The following GABRG3 variants were observed in gnomAD, a reference collection of about 807,000 sequenced individuals.
The protein encoded by GABRG3 is gamma-aminobutyric acid receptor subunit gamma-3.
In GABRG3, 25 loss-of-function variants were observed where a neutral mutation model predicts 48.8. That is an observed-to-expected ratio of 0.51 (90% CI 0.37 to 0.72). The LOEUF (loss-of-function observed/expected upper bound fraction) is 0.72. Ranked by LOEUF, GABRG3 falls within the 30% of genes least tolerant of loss-of-function variation. The probability of loss-of-function intolerance (pLI) is 0.00; values close to 1 mark genes in which losing one functional copy is unlikely to be tolerated. For missense variants in GABRG3, 394 were observed against 577.9 expected, an observed-to-expected ratio of 0.68 and a Z score of 3.26; for synonymous variants, 227 against 217.6, an observed-to-expected ratio of 1.04 and a Z score of -0.38.
At chr15:27,392,864 G>A (rs1887178908) in intron 5 of GABRG3, among the ~76,000 whole-genome samples, 1 of 152,126 alleles carries the variant, frequency 6.6e-6, no homozygotes, top group African/African-American at 2.4e-5. Context: ...TTGGCCATTG[G>A]GAGCACATTC....
At chr15:27,358,432 C>T (rs1430025851) in intron 5 of GABRG3, among the ~76,000 whole-genome samples, 1 of 151,994 alleles carries the variant, frequency 6.6e-6, no homozygotes, top group Non-Finnish European at 1.5e-5. Context: ...AAACGTTATT[C>T]CTATGCAAAT....
At chr15:27,129,890 GGTTGTT>G (rs553770521) in intron 3 of GABRG3, among the ~76,000 whole-genome samples, 1 of 151,778 alleles carries the variant, frequency 6.6e-6, no homozygotes, top group Non-Finnish European at 1.5e-5. Context: ...GTTTAAATCA[GGTTGTT>G]GTTGTTGTTG....
At chr15:27,192,966 T>A (rs1263041538) in intron 3 of GABRG3, among the ~76,000 whole-genome samples, 4 of 152,148 alleles carry the variant, frequency 2.6e-5, no homozygotes, top group African/African-American at 9.7e-5. Flanking sequence ...TCTGTTGGAG[T>A]TTGCTAGAGG....
In GABRG3 at chr15:26,976,392, G is replaced by A. The variant is rs1451949658; in HGVS notation, c.54-610G>A. On this transcript the variant is annotated intron_variant, in intron 1 of 9. Coordinates refer to ENST00000615808, the MANE Select transcript of GABRG3 (RefSeq NM_033223.5). The surrounding 1 kb of genome is among the most constrained non-coding windows in gnomAD (Gnocchi z 7.8). ...ACCGAGGCGTGCAAGATTGCTAGAGGGTCTTCACCAGTCATCAGCGAACAT... is the reference window on the plus strand; with the variant it reads ...ACCGAGGCGTGCAAGATTGCTAGAGAGTCTTCACCAGTCATCAGCGAACAT... Among the ~76,000 whole-genome samples, 1 of 152,146 alleles carries A rather than the reference G, an allele frequency of 6.6e-6. No individual in the cohort carries two copies. Among genetic ancestry groups the A allele is most frequent in the Non-Finnish European group, 1.5e-5 (1 of 68,012 alleles).
At chr15:27,366,828 C>T (rs1895218539) in intron 5 of GABRG3, among the ~76,000 whole-genome samples, 1 of 152,168 alleles carries the variant, frequency 6.6e-6, no homozygotes, top group Admixed American at 6.5e-5. Flanking sequence ...GTGCCCGTGT[C>T]CCCCTGCCCA....
intron 3 of GABRG3, among the ~76,000 whole-genome samples, chr15:27,146,811 A>C (rs1898218047): frequency 6.6e-6 from 1 of 152,172 alleles, no homozygotes; most frequent in Non-Finnish European, 1.5e-5. Context: ...AAGAAAGGAC[A>C]AGGGGATTAA....
chr15:27,453,736 G>C (rs911704332), intron 5 of GABRG3, among the ~76,000 whole-genome samples: 1 of 152,098 alleles, frequency 6.6e-6, no homozygotes, highest in African/African-American at 2.4e-5. Context: ...TGAGTAGCTG[G>C]GATTACAGGC....
chr15:26,986,361 A>G (rs1235857060), intron 2 of GABRG3, among the ~76,000 whole-genome samples: 1 of 152,210 alleles, frequency 6.6e-6, no homozygotes. Context: ...GGTGGAGAAT[A>G]AATTTTGTAG....
Position 27,352,352 on chromosome 15 carries a change from T to C in GABRG3, c.574+23464T>C, listed in dbSNP as rs1894650334. Among the ~76,000 whole-genome samples, 1 of 151,568 alleles carries C rather than the reference T, an allele frequency of 6.6e-6. No homozygotes were observed. Among genetic ancestry groups the C allele is most frequent in the Non-Finnish European group, 1.5e-5 (1 of 67,938 alleles). On this transcript the variant is annotated intron_variant, in intron 5 of 9. Coordinates refer to ENST00000615808, the MANE Select transcript of GABRG3 (RefSeq NM_033223.5). The surrounding 1 kb of genome is among the most constrained non-coding windows in gnomAD (Gnocchi z 4.0). ...ATTATCCCCCGCACACTTCAAGGGG[T>C]GATGGGGTGGGATCTCTGCCAATTT...
chr15:27,491,674 T>C (rs1245374575), intron 6 of GABRG3, among the ~76,000 whole-genome samples: 1 of 152,128 alleles, frequency 6.6e-6, no homozygotes, highest in Admixed American at 6.5e-5. Flanking sequence ...GACAATAAAA[T>C]GTAAAAATTA....
intron 3 of GABRG3, among the ~76,000 whole-genome samples, chr15:27,314,193 G>A (rs1304702147): frequency 1.3e-5 from 2 of 152,122 alleles, no homozygotes; most frequent in African/African-American, 4.8e-5. Context: ...GGCAACTATA[G>A]TGAAGTCCTA....
intron 2 of GABRG3, among the ~76,000 whole-genome samples, chr15:27,005,491 A>G (rs1470205077): frequency 6.6e-6 from 1 of 152,144 alleles, no homozygotes; most frequent in Admixed American, 6.5e-5. Flanking sequence ...CTTTTGAGTC[A>G]ATTACTATAT....
At chr15:27,430,814 A>G (rs1595749778) in intron 5 of GABRG3, among the ~76,000 whole-genome samples, 1 of 151,730 alleles carries the variant, frequency 6.6e-6, no homozygotes, top group Admixed American at 6.6e-5. Context: ...ACATGCCGAA[A>G]CCCCGTCTCT....
chr15:27,509,202 T>C (rs1453706023), intron 6 of GABRG3, among the ~76,000 whole-genome samples: 1 of 152,224 alleles, frequency 6.6e-6, no homozygotes, highest in Non-Finnish European at 1.5e-5. Flanking sequence ...TCCTTTTTGC[T>C]CCTCTGGTGA....
intron 7 of GABRG3, among the ~76,000 whole-genome samples, chr15:27,525,298 G>C (rs114175100): frequency 0.018 from 2,688 of 152,206 alleles, 80 homozygotes; most frequent in African/African-American, 0.062. Context: ...CCAAAGTCAA[G>C]AAGAAAGTTG....
intron 5 of GABRG3, among the ~76,000 whole-genome samples, chr15:27,443,389 A>G (rs1369368593): frequency 2.0e-5 from 3 of 152,222 alleles, no homozygotes; most frequent in Non-Finnish European, 4.4e-5. Flanking sequence ...AACAGTGTTC[A>G]GTATACAGGT....
chr15:27,506,314 T>C (rs1890759492), intron 6 of GABRG3, among the ~76,000 whole-genome samples: 1 of 152,194 alleles, frequency 6.6e-6, no homozygotes, highest in African/African-American at 2.4e-5. Flanking sequence ...GGGCTTTAAT[T>C]GATTATACAA....
intron 3 of GABRG3, among the ~76,000 whole-genome samples, chr15:27,177,811 A>T (rs1887793675): frequency 2.0e-5 from 3 of 152,230 alleles, no homozygotes; most frequent in Admixed American, 2.0e-4. Flanking sequence ...GGACTATTGC[A>T]GTAAGGGAAA....
At chr15:27,291,625 A>T (rs906209782) in intron 3 of GABRG3, among the ~76,000 whole-genome samples, 2 of 152,256 alleles carry the variant, frequency 1.3e-5, no homozygotes, top group African/African-American at 4.8e-5. Flanking sequence ...TAATGAAAAC[A>T]GTTTAAAGAA....
Sources: gnomAD v4.1 joint callset for allele counts (sites outside exome capture counted in the v4.1 genomes callset) on GRCh38, gnomAD v4.1.1 for gene constraint, Gnocchi (gnomAD v3.1) non-coding constraint, MANE v1.5 for transcripts, NCBI Gene and HGNC (gene_info 2026-07-23, HGNC 2026-07-21) for gene names.